The following PARD3 variants were observed in gnomAD, a reference collection of about 807,000 sequenced individuals.
The protein encoded by PARD3 is par-3 family cell polarity regulator.
In PARD3, 75 loss-of-function variants were observed where a neutral mutation model predicts 155.4. The ratio of observed to expected loss-of-function variants is 0.48; its 90% confidence interval spans 0.40 to 0.58. The LOEUF is 0.58. Ranked by LOEUF, PARD3 falls within the 20% of genes least tolerant of loss-of-function variation. The pLI, the probability that PARD3 is intolerant of heterozygous loss-of-function variation, is 0.00. For missense variants in PARD3, 1,642 were observed against 1,721.7 expected, an observed-to-expected ratio of 0.95 and a Z score of 0.82; for synonymous variants, 576 against 610.5, an observed-to-expected ratio of 0.94 and a Z score of 0.83.
chr10:34,424,709 T>C (rs2075503906), intron 5 of PARD3, among the ~76,000 whole-genome samples: 1 of 151,934 alleles, frequency 6.6e-6, no homozygotes, highest in South Asian at 2.1e-4. Flanking sequence ...GAGACGGGGT[T>C]TCGTCATGTT....
chr10:34,724,364 A>G (rs2094662435), intron 1 of PARD3, among the ~76,000 whole-genome samples: 1 of 152,224 alleles, frequency 6.6e-6, no homozygotes, highest in South Asian at 2.1e-4. Context: ...TGGTGAAGAT[A>G]GCACTGTAAT....
At chr10:34,634,657 AG>A (rs1017526567) in intron 2 of PARD3, among the ~76,000 whole-genome samples, 1 of 152,078 alleles carries the variant, frequency 6.6e-6, no homozygotes, top group Admixed American at 6.5e-5. Context: ...ACATGCACAA[AG>A]AAACAACTGA....
chr10:34,292,722 A>T (rs2799446), intron 20 of PARD3, among the ~76,000 whole-genome samples: 95,262 of 150,258 alleles, frequency 0.63, 30,428 homozygotes, highest in African/African-American at 0.74. Flanking sequence ...TATTATTATT[A>T]TTTTTTTTTT....
intron 4 of PARD3, among the ~76,000 whole-genome samples, chr10:34,461,502 G>A (rs188706272): frequency 6.6e-6 from 1 of 152,018 alleles, no homozygotes; most frequent in Non-Finnish European, 1.5e-5. Flanking sequence ...GCTACTGGGG[G>A]GGCTGAGGCA....
chr10:34,643,083 C>G (rs2132965933), intron 2 of PARD3, among the ~76,000 whole-genome samples: 1 of 152,328 alleles, frequency 6.6e-6, no homozygotes, highest in East Asian at 1.9e-4. Context: ...GAGGCGGCAC[C>G]ATCAATCCCC....
chr10:34,556,538 AC>A (rs2085006536), intron 2 of PARD3, among the ~76,000 whole-genome samples: 1 of 151,506 alleles, frequency 6.6e-6, no homozygotes, highest in Non-Finnish European at 1.5e-5. Context: ...ACCCACCACC[AC>A]GCCCGGCTAA....
At chr10:34,173,731 G>A (rs1232104882) in intron 22 of PARD3, among the ~76,000 whole-genome samples, 1 of 152,068 alleles carries the variant, frequency 6.6e-6, no homozygotes, top group African/African-American at 2.4e-5. Context: ...CCTCTCTAAG[G>A]GCAGGTCATC....
intron 1 of PARD3, among the ~76,000 whole-genome samples, chr10:34,811,907 T>C (rs1385038520): frequency 9.8e-5 from 15 of 152,300 alleles, no homozygotes; most frequent in African/African-American, 3.1e-4. Flanking sequence ...CGGTTCCCAA[T>C]GTCTAGCACC....
intron 2 of PARD3, among the ~76,000 whole-genome samples, chr10:34,656,081 T>C (rs1239077529): frequency 3.3e-5 from 5 of 152,230 alleles, no homozygotes; most frequent in Non-Finnish European, 5.9e-5. Context: ...TTTTTTATGG[T>C]ATACAAATTT....
In PARD3 at chr10:34,225,119, C is replaced by G. The variant is rs572620923; in HGVS notation, c.3419+44538G>C. 3.7e-4 allele frequency among the ~76,000 whole-genome samples: 56 copies of G among 152,130 alleles called. 1 individual carries two copies. The highest frequency in any genetic ancestry group is 1.3e-3 in the African/African-American group (53 of 41,490). On this transcript the variant is annotated intron_variant, in intron 22 of 24. Coordinates refer to ENST00000374788, the MANE Select transcript of PARD3 (RefSeq NM_001184785.2). Reference sequence around the variant, plus strand: ...ACTATGTTTCAGCCATTGAAAACACCAAGATGAATAAGCTCATATTCCAGT... The same window carrying G: ...ACTATGTTTCAGCCATTGAAAACACGAAGATGAATAAGCTCATATTCCAGT...
chr10:34,399,362 G>A lies in PARD3; in HGVS notation c.858C>T (p.Ile286=), dbSNP rs1401479973. 2 of 1,611,740 alleles carry A rather than the reference G, an allele frequency of 1.2e-6. No homozygotes were observed. The highest frequency in any genetic ancestry group is 1.7e-5 in the Admixed American group (1 of 60,000). ...CTCGAGCACTGAAAGGCACTACGTG[G>A]ATTCCCAGAGGCCCTCCATCGTTGG... ...EVPNDGGPLG[I]HVVPFSARGG... is the part of the protein sequence containing the mutation. The change falls in exon 7 of 25, where the codon ATC becomes ATT. Residue 286 remains isoleucine, a synonymous_variant. Coordinates refer to ENST00000374788, the MANE Select transcript of PARD3 (RefSeq NM_001184785.2).
chr10:34,203,916 T>C lies in PARD3; in HGVS notation c.3419+65741A>G, dbSNP rs114636594. Among the ~76,000 whole-genome samples the C allele has an allele frequency of 7.6e-3, 1,165 of 152,340 alleles. 26 individuals are homozygous for C. The highest frequency in any genetic ancestry group is 0.027 in the African/African-American group (1,123 of 41,588). On this transcript the variant is annotated intron_variant, in intron 22 of 24. Transcript: ENST00000374788. ...TCATGTGCAAGGGAAGTTTGGGAGATATCTAATGTCTTTCAAAGAAGGTTC... is the reference window on the plus strand; with the variant it reads ...TCATGTGCAAGGGAAGTTTGGGAGACATCTAATGTCTTTCAAAGAAGGTTC...
chr10:34,474,742 A>G (rs1009549849), intron 3 of PARD3, among the ~76,000 whole-genome samples: 1 of 152,214 alleles, frequency 6.6e-6, no homozygotes, highest in Non-Finnish European at 1.5e-5. Context: ...TATGAAATCA[A>G]ATCTATTAAG....
At chr10:34,430,223 T>C (rs1036442012) in intron 5 of PARD3, among the ~76,000 whole-genome samples, 1 of 152,242 alleles carries the variant, frequency 6.6e-6, no homozygotes, top group Non-Finnish European at 1.5e-5. Context: ...ACCATATGTA[T>C]GACTACATGA....
Position 34,815,147 on chromosome 10 carries a change from G to A in PARD3, c.-152C>T, listed in dbSNP as rs986189857. The A allele has an allele frequency of 1.4e-5, 3 of 213,332 alleles. No individual in the cohort carries two copies. The highest frequency in any genetic ancestry group is 2.4e-5 in the Non-Finnish European group (3 of 123,204). 13.2% of individuals were successfully genotyped at this position (213,332 alleles called of 1,614,324 possible). A position where few individuals can be genotyped will look rare whatever the true frequency, so the allele number is the denominator to read the frequency against. On this transcript the variant is annotated 5_prime_UTR_variant, in exon 1 of 25. Transcript: ENST00000374788. ...GGGCAGGCGGCGGCGACGCCGGGGGGCCGCTCAGCTCGCATGCCCGGCCCG... is the reference window on the plus strand; with the variant it reads ...GGGCAGGCGGCGGCGACGCCGGGGGACCGCTCAGCTCGCATGCCCGGCCCG...
intron 3 of PARD3, among the ~76,000 whole-genome samples, chr10:34,509,167 G>T (rs569787359): frequency 6.6e-6 from 1 of 151,836 alleles, no homozygotes. Flanking sequence ...AAATCTGGGT[G>T]GGGAAAAAAA....
At chr10:34,405,891 T>C (rs951679084) in intron 5 of PARD3, among the ~76,000 whole-genome samples, 4 of 152,186 alleles carry the variant, frequency 2.6e-5, no homozygotes, top group Admixed American at 6.5e-5. Context: ...ACAGGGAGTA[T>C]CTTTGCTTGC....
rs528740743 is a variant in PARD3 at position 34,334,535 on chromosome 10, CAAGT to C, written c.2605+1660_2605+1663del. Among the ~76,000 whole-genome samples the C allele has an allele frequency of 4.0e-3, 605 of 151,752 alleles. 2 individuals carry two copies. The highest frequency in any genetic ancestry group is 7.1e-3 in the Non-Finnish European group (482 of 67,708). ...CATAATCTTTCTTGAAAACTCAAGT[CAAGT>C]GAAGTGACGAAAGAAAAATAAGTGA... On this transcript the variant is annotated intron_variant, in intron 18 of 24. Coordinates refer to ENST00000374788, the MANE Select transcript of PARD3 (RefSeq NM_001184785.2).
At chr10:34,480,794 CTTTTTTTT>C (rs61461165) in intron 3 of PARD3, among the ~76,000 whole-genome samples, 5 of 125,756 alleles carry the variant, frequency 4.0e-5, no homozygotes, top group East Asian at 4.4e-4. Flanking sequence ...GTTTCTTTTT[CTTTTTTTT>C]TTTTTTTTTT....
Sources: gnomAD v4.1 joint callset for allele counts (sites outside exome capture counted in the v4.1 genomes callset) on GRCh38, gnomAD v4.1.1 for gene constraint, MANE v1.5 for transcripts, NCBI Gene and HGNC (gene_info 2026-07-23, HGNC 2026-07-21) for gene names.